TTC12: variants seen among roughly 807,000 people sequenced by gnomAD.
TTC12 encodes the protein tetratricopeptide repeat domain 12.
In TTC12, 70 loss-of-function variants were observed where a neutral mutation model predicts 90.1. The ratio of observed to expected loss-of-function variants is 0.78; its 90% CI spans 0.64 to 0.95. TTC12 has a LOEUF of 0.95. TTC12 is among the 40% of genes least tolerant of loss of function. The probability of loss-of-function intolerance (pLI) is 0.00; values close to 1 mark genes in which losing one functional copy is unlikely to be tolerated. For synonymous variants in TTC12, 296 were observed against 311.5 expected (o/e 0.95, Z 0.53); for missense variants, 819 against 846.1 (o/e 0.97, Z 0.40).
chr11:113,354,906 G>A (rs1949535843), intron 16 of TTC12, among the ~76,000 whole-genome samples: 1 of 152,170 alleles, frequency 6.6e-6, no homozygotes, highest in Non-Finnish European at 1.5e-5. Context: ...AAGGATACTG[G>A]CCTGAAGTTT....
At chr11:113,344,514 C>G (rs996714380) in intron 13 of TTC12, 74 bp downstream of exon 13, 1 of 1,424,574 alleles carries the variant, frequency 7.0e-7, no homozygotes, top group Admixed American at 1.9e-5. Flanking sequence ...TGCCTGTCTC[C>G]CCTCCTATCT....
At chr11:113,368,788 T>G, downstream of TTC12, 1 of 486,620 alleles carries the variant, frequency 2.1e-6, no homozygotes. Context: ...TGAGGGGAAG[T>G]ATGACTAAGA....
chr11:113,345,638 A>G (rs1555147882), intron 13 of TTC12, among the ~76,000 whole-genome samples: 1 of 152,228 alleles, frequency 6.6e-6, no homozygotes, highest in Non-Finnish European at 1.5e-5. Flanking sequence ...AGTGGCTCCC[A>G]GGAAAGGCTT....
At chr11:113,362,019 C>T (rs1190734175) in intron 18 of TTC12, among the ~76,000 whole-genome samples, 1 of 146,510 alleles carries the variant, frequency 6.8e-6, no homozygotes, top group African/African-American at 2.5e-5. Flanking sequence ...GAAACTAGAA[C>T]AAAAGACAAA....
chr11:113,363,658 G>T (rs1395576805), intron 19 of TTC12, among the ~76,000 whole-genome samples, 170 bp from the exon 20 acceptor site: 1 of 152,200 alleles, frequency 6.6e-6, no homozygotes, highest in African/African-American at 2.4e-5. Flanking sequence ...GTGACACTCT[G>T]TTCCAGCAGG....
rs934780638 is a variant in TTC12 at position 113,361,922 on chromosome 11, A to G, written c.1615-479A>G. ...CCTGAGAAAGATTTAAGATAGTTAT[A>G]TCCATAAAAGAGTAACAGCTTGGCA... On this transcript the variant is annotated intron_variant, in intron 18 of 21. Transcript: ENST00000529221. 9.2e-5 allele frequency among the ~76,000 whole-genome samples: 14 copies of G among 151,778 alleles called. No homozygotes were observed. In the East Asian group the frequency reaches 2.1e-3, roughly 23 times the overall value.
intron 12 of TTC12, among the ~76,000 whole-genome samples, chr11:113,343,164 A>G (rs556517485): frequency 6.6e-6 from 1 of 152,344 alleles, no homozygotes; most frequent in East Asian, 1.9e-4. Flanking sequence ...TGTGGAGTTG[A>G]GAAGAGAAGC....
chr11:113,330,080 C>T (rs1947952521), intron 7 of TTC12, 101 bp downstream of exon 7: 1 of 896,870 alleles, frequency 1.1e-6, no homozygotes. Flanking sequence ...CCTCTGTAGC[C>T]AGAGCTTCAG....
exon 22 of TTC12, chr11:113,373,256 T>C: frequency 2.0e-6 from 2 of 984,564 alleles, no homozygotes; most frequent in Non-Finnish European, 2.4e-6. Flanking sequence ...TGTGTGGTGC[T>C]GCCTTTTAAA....
intron 12 of TTC12, among the ~76,000 whole-genome samples, chr11:113,342,426 C>T (rs566092363): frequency 1.9e-3 from 296 of 152,228 alleles, no homozygotes; most frequent in African/African-American, 6.8e-3. Context: ...GAGTTCATTA[C>T]GTTTTTGTAT....
rs548676065 is a variant in TTC12, at chr11:113,326,136, A to G, written c.444+491A>G. On this transcript the variant is annotated intron_variant, in intron 6 of 21. Transcript: ENST00000529221. ...TGCGACAGGGATAAAGTGGATAGCC[A>G]ATGGTCCTGGAGCCAATTTCTTGGA... Among the ~76,000 whole-genome samples, 329 of 152,302 alleles carry G rather than the reference A, an allele frequency of 2.2e-3. 2 individuals are homozygous for G. Among genetic ancestry groups the G allele is most frequent in the Non-Finnish European group, 3.0e-3 (206 of 68,024 alleles).
At position 113,365,018 on chromosome 11, in the gene TTC12, A is replaced by G; in HGVS notation, c.2000A>G (p.Asn667Ser). The G allele has an allele frequency of 6.2e-7, 1 of 1,614,166 alleles. No individual in the cohort carries two copies. Among genetic ancestry groups the G allele is most frequent in the Non-Finnish European group, 8.5e-7 (1 of 1,180,032 alleles). The change falls in exon 21 of 22, where the codon AAC becomes AGC. Residue 667 changes from asparagine (N) to serine (S), a missense_variant. Physicochemically the swap from Asn to Ser is conservative, Grantham distance 46 (BLOSUM62 1). Coordinates refer to ENST00000529221, the MANE Select transcript of TTC12 (RefSeq NM_017868.4). The stretch of plus-strand genomic sequence containing the variant: ...ACACAGAAGACGGCCGTGCAGGTGA[A>G]CGCAGGCATTGCTCTGGGGAAGCTG... ...SDTQKTAVQV[N>S]AGIALGKLCT...
downstream of TTC12, chr11:113,366,391 C>G (rs182411453): frequency 1.0e-5 from 16 of 1,580,632 alleles, no homozygotes; most frequent in East Asian, 3.4e-4. Flanking sequence ...GTATCCACTT[C>G]AGAATCAAGT....
chr11:113,337,465 G>T (rs1948437255), intron 8 of TTC12, among the ~76,000 whole-genome samples: 1 of 152,152 alleles, frequency 6.6e-6, no homozygotes, highest in South Asian at 2.1e-4. Flanking sequence ...AGGGAGTGAC[G>T]TGAGCAAACC....
rs200116175 is a variant in TTC12, at chr11:113,338,842, C to T, written c.637+8C>T. ...TGCAAACCCAGGTGAAAGGTGAGCA[C>T]GTTCCTGCTGAGGTCCTTCATCTGA... is the stretch of plus-strand genomic sequence containing the variant. On this transcript the variant is annotated splice_region_variant and intron_variant, in intron 9 of 21. Coordinates refer to ENST00000529221, the MANE Select transcript of TTC12 (RefSeq NM_017868.4). 2.2e-5 allele frequency: 35 copies of T among 1,613,376 alleles called. No homozygotes were observed. In the East Asian group the frequency reaches 2.5e-4, roughly 11 times the overall value.
intron 2 of TTC12, among the ~76,000 whole-genome samples, chr11:113,320,148 T>C (rs1291453424): frequency 6.6e-6 from 1 of 152,096 alleles, no homozygotes; most frequent in Non-Finnish European, 1.5e-5. Context: ...TATATACAAC[T>C]GATACGGGTA....
chr11:113,324,257 A>T (rs1947542843), intron 4 of TTC12: 1 of 541,392 alleles, frequency 1.8e-6, no homozygotes, highest in Non-Finnish European at 3.2e-6. Flanking sequence ...CATCCAATTT[A>T]CCCTGTTCAA....
chr11:113,364,008 G>A, intron 20 of TTC12, 81 bp downstream of exon 20: 3 of 927,200 alleles, frequency 3.2e-6, no homozygotes, highest in Non-Finnish European at 5.1e-6. Context: ...TGTGGTCGAG[G>A]AGGAACTTAG....
At chr11:113,358,085 G>A (rs1160066752) in intron 16 of TTC12, among the ~76,000 whole-genome samples, 1 of 152,216 alleles carries the variant, frequency 6.6e-6, no homozygotes, top group Non-Finnish European at 1.5e-5. Flanking sequence ...CTCACAAGCA[G>A]AGGAGGTTGC....
Sources: allele counts gnomAD v4.1 joint callset (sites outside exome capture counted in the v4.1 genomes callset), GRCh38; gene constraint gnomAD v4.1.1; transcripts MANE v1.5; gene names NCBI Gene and HGNC (gene_info 2026-07-23, HGNC 2026-07-21).